Variants in RASGEF1C observed in about 807,000 individuals in gnomAD.
RASGEF1C encodes the protein ras-GEF domain-containing family member 1C.
A neutral mutation model predicts 58.1 loss-of-function variants in RASGEF1C; 27 were observed. The observed-to-expected ratio is 0.46, with a 90% CI of 0.34 to 0.64. The LOEUF (loss-of-function observed/expected upper bound fraction) is 0.64, where lower values mean the gene tolerates loss of function less well. Ranked by LOEUF, RASGEF1C falls within the 30% of genes least tolerant of loss-of-function variation. The pLI, the probability that RASGEF1C is intolerant of heterozygous loss-of-function variation, is 0.01. For synonymous variants in RASGEF1C, 243 were observed against 246.3 expected (o/e 0.99, Z 0.13); for missense variants, 502 against 605.1 (o/e 0.83, Z 1.79).
At chr5:180,129,462 G>A (rs1766324701) in intron 4 of RASGEF1C, among the ~76,000 whole-genome samples, 1 of 152,066 alleles carries the variant, frequency 6.6e-6, no homozygotes, top group African/African-American at 2.4e-5. Context: ...CAGAGCACAG[G>A]GCTCCAGCGT....
chr5:180,124,969 C>T (rs1223404310), intron 6 of RASGEF1C, among the ~76,000 whole-genome samples: 1 of 151,942 alleles, frequency 6.6e-6, no homozygotes, highest in Non-Finnish European at 1.5e-5. Flanking sequence ...CCTGTCTCCA[C>T]AAAAAATACC....
chr5:180,192,623 CAAAGACAGCATGA>C (rs1454727370), intron 1 of RASGEF1C, among the ~76,000 whole-genome samples: 2 of 152,022 alleles, frequency 1.3e-5, no homozygotes, highest in Non-Finnish European at 2.9e-5. Context: ...ACGTCAATTT[CAAAGACAGCATGA>C]AAAGAGAATG....
chr5:180,153,231 G>GTGCTCAGAGGCAGCACATCCA (rs1188696055), intron 1 of RASGEF1C, among the ~76,000 whole-genome samples: 1 of 152,130 alleles, frequency 6.6e-6, no homozygotes, highest in African/African-American at 2.4e-5. Context: ...CTGCACATCC[G>GTGCTCAGAGGCAGCACATCCA]TGCTCAGAGG....
chr5:180,109,266 C>A (rs1258899946), intron 12 of RASGEF1C, among the ~76,000 whole-genome samples: 1 of 151,996 alleles, frequency 6.6e-6, no homozygotes, highest in Non-Finnish European at 1.5e-5. Flanking sequence ...ACCATCCTGG[C>A]TAACATGGTG....
chr5:180,203,854 A>G (rs775492327), intron 1 of RASGEF1C, among the ~76,000 whole-genome samples: 9 of 151,986 alleles, frequency 5.9e-5, no homozygotes, highest in Non-Finnish European at 1.0e-4. Flanking sequence ...TTAACCGGGC[A>G]TGGTGGTGCA....
intron 1 of RASGEF1C, among the ~76,000 whole-genome samples, chr5:180,166,294 A>C (rs1767019708): frequency 6.6e-6 from 1 of 152,162 alleles, no homozygotes; most frequent in Non-Finnish European, 1.5e-5. Flanking sequence ...TACTTTAAAA[A>C]TTCAAGAGGG....
At position 180,128,411 on chromosome 5, in the gene RASGEF1C, A is replaced by C; in HGVS notation, c.638T>G (p.Leu213Arg). The C allele has an allele frequency of 6.2e-7, 1 of 1,613,248 alleles. No individual in the cohort carries two copies. Among genetic ancestry groups the C allele is most frequent in the Non-Finnish European group, 8.5e-7 (1 of 1,179,846 alleles). Reference sequence around the variant, plus strand: ...GGAAGGTGGTTTGGGCCGGCTTACCAGTTCCACGTGGGTCAGCTGCTGGGC... The same window carrying C: ...GGAAGGTGGTTTGGGCCGGCTTACCCGTTCCACGTGGGTCAGCTGCTGGGC... ...TLAQQLTHVE[L>R]ERLRHIGPEE... Residue 213 changes from leucine (L) to arginine (R), a missense_variant and splice_region_variant, in exon 5 of 14, where the codon CTG (leucine) becomes CGG (arginine). Leu to Arg is a moderately radical substitution (Grantham distance 102, BLOSUM62 -2). Coordinates refer to ENST00000361132, the MANE Select transcript of RASGEF1C (RefSeq NM_175062.4).
At chr5:180,122,978 G>C (rs1004578950) in intron 6 of RASGEF1C, among the ~76,000 whole-genome samples, 1 of 152,052 alleles carries the variant, frequency 6.6e-6, no homozygotes, top group Non-Finnish European at 1.5e-5. Context: ...AACAAATGCA[G>C]CTGCTTGCCA....
chr5:180,101,665 G>C (rs1765787030), intron 13 of RASGEF1C, 140 bp from the exon 14 acceptor site: 5 of 1,065,252 alleles, frequency 4.7e-6, no homozygotes, highest in Non-Finnish European at 2.7e-6. Flanking sequence ...CAAATCCCTG[G>C]GGCTCAGCCC....
chr5:180,137,980 C>G lies in RASGEF1C; in HGVS notation c.73G>C (p.Asp25His). Residue 25 changes from aspartate (D) to histidine (H), a missense_variant, in exon 2 of 14, where the codon GAT becomes CAT. Coordinates refer to ENST00000361132, the MANE Select transcript of RASGEF1C (RefSeq NM_175062.4). The surrounding 1 kb of genome is among the most constrained non-coding windows in gnomAD (Gnocchi z 4.1). ...AGGGGCTGCCCAGCCTGTTCGCCAT[C>G]TGTGGGCTCGGTGGGGGGTGGGCTG... ...SLSPPPTEPT[D>H]GEQAGQPLLD... 6.3e-7 allele frequency: 1 copy of G among 1,593,234 alleles called. No homozygotes were observed. The highest frequency in any genetic ancestry group is 8.5e-7 in the Non-Finnish European group (1 of 1,173,202).
intron 13 of RASGEF1C, 85 bp from the exon 14 acceptor site, chr5:180,101,610 A>C: frequency 7.2e-6 from 11 of 1,527,944 alleles, no homozygotes; most frequent in Non-Finnish European, 8.9e-6. Flanking sequence ...CCACTTTCTC[A>C]GTGCGCTGAG....
intron 12 of RASGEF1C, among the ~76,000 whole-genome samples, chr5:180,108,412 A>G (rs949608193): frequency 1.4e-4 from 22 of 151,774 alleles, no homozygotes; most frequent in Admixed American, 3.3e-4. Flanking sequence ...CGTGTTAGCC[A>G]GGATGGTCTC....
At chr5:180,182,309 G>A (rs900923149) in intron 1 of RASGEF1C, among the ~76,000 whole-genome samples, 1 of 149,608 alleles carries the variant, frequency 6.7e-6, no homozygotes, top group Non-Finnish European at 1.5e-5. Flanking sequence ...TCCTTCCGGT[G>A]GGTTTGTGGT....
chr5:180,173,031 C>G (rs114641096), intron 1 of RASGEF1C, among the ~76,000 whole-genome samples: 1 of 152,350 alleles, frequency 6.6e-6, no homozygotes, highest in African/African-American at 2.4e-5. Context: ...CTTCTGTCCC[C>G]TGGCAGGACC....
chr5:180,173,877 C>T (rs540193287), intron 1 of RASGEF1C, among the ~76,000 whole-genome samples: 15 of 150,214 alleles, frequency 1.0e-4, no homozygotes, highest in South Asian at 4.2e-4. Context: ...TGTGCCACTG[C>T]ACTCCAGCCT....
chr5:180,187,141 A>T (rs890097958), intron 1 of RASGEF1C, among the ~76,000 whole-genome samples: 1 of 152,196 alleles, frequency 6.6e-6, no homozygotes, highest in African/African-American at 2.4e-5. Context: ...TTGATTTTTG[A>T]AAAGGGAGCC....
At chr5:180,126,332 G>A (rs1451335674) in intron 6 of RASGEF1C, among the ~76,000 whole-genome samples, 2 of 152,072 alleles carry the variant, frequency 1.3e-5, no homozygotes, top group South Asian at 2.1e-4. Context: ...GTGTGAACCC[G>A]GGAGGCGGAG....
chr5:180,184,164 GAAATAAATAAATAAAAATAAAT>G (rs933186134), intron 1 of RASGEF1C, among the ~76,000 whole-genome samples: 1 of 146,580 alleles, frequency 6.8e-6, no homozygotes, highest in African/African-American at 2.5e-5. Flanking sequence ...ACTCCATCTT[GAAATAAATAAATAAAAATAAAT>G]AAATAAATAA....
chr5:180,121,560 A>G (rs6865609), intron 6 of RASGEF1C, among the ~76,000 whole-genome samples: 65,271 of 151,378 alleles, frequency 0.43, 14,634 homozygotes, highest in African/African-American at 0.54. Context: ...TGATCCGCCC[A>G]CCTCGGCCTC....
Sources: gnomAD v4.1 joint callset for allele counts (sites outside exome capture counted in the v4.1 genomes callset) on GRCh38, gnomAD v4.1.1 for gene constraint, Gnocchi (gnomAD v3.1) non-coding constraint, MANE v1.5 for transcripts, NCBI Gene and HGNC (gene_info 2026-07-23, HGNC 2026-07-21) for gene names.